The following DUSP15 variants were observed in gnomAD, a reference collection of about 807,000 sequenced individuals.
DUSP15 encodes the protein dual specificity phosphatase 15.
Under a neutral mutation model 26.3 loss-of-function variants are expected in DUSP15, and 23 were observed. That is an observed-to-expected ratio of 0.87 (90% CI 0.63 to 1.24). The LOEUF (loss-of-function observed/expected upper bound fraction) is 1.24, where lower values mean the gene tolerates loss of function less well. Ranked by LOEUF, DUSP15 falls within the 50% of genes most tolerant of loss-of-function variation. The pLI is 0.00. For synonymous variants in DUSP15, 143 were observed against 135.5 expected (o/e 1.06, Z -0.39); for missense variants, 364 against 320.6 (o/e 1.14, Z -1.03).
In DUSP15 at chr20:31,861,649, G is replaced by A. The variant is rs1263362874; in HGVS notation, c.462C>T (p.Phe154=). The A allele has an allele frequency of 8.6e-6, 11 of 1,275,108 alleles. No individual in the cohort carries two copies. The highest frequency in any genetic ancestry group is 1.6e-5 in the African/African-American group (1 of 61,086). The allele number at this position is 1,275,108 out of a possible 1,614,324, so 79.0% of individuals were successfully genotyped here. ...QKLRRQLEER[F]GESPFRDEEE... ...CCTCGTCGCGGAAGGGGCTCTCGCCGAAGCGCTCCTCCAGCTGCCGGCGAA... is the reference window on the plus strand; with the variant it reads ...CCTCGTCGCGGAAGGGGCTCTCGCCAAAGCGCTCCTCCAGCTGCCGGCGAA... The change falls in exon 7 of 7, where the codon TTC becomes TTT. Residue 154 remains phenylalanine (F), a synonymous_variant. Coordinates refer to ENST00000339738, the MANE Select transcript of DUSP15 (RefSeq NM_080611.5).
At position 31,861,613 on chromosome 20, in the gene DUSP15, G is replaced by A. The variant is rs754676386; in HGVS notation, c.498C>T (p.Arg166=). 1.3e-6 allele frequency: 2 copies of A among 1,491,112 alleles called. No individual in the cohort carries two copies. Among genetic ancestry groups the A allele is most frequent in the South Asian group, 2.5e-5 (2 of 79,714 alleles). 92.4% of individuals were successfully genotyped at this position (1,491,112 alleles called of 1,614,324 possible). A position where few individuals can be genotyped will look rare whatever the true frequency, so the allele number is the denominator to read the frequency against. Residue 166 remains arginine (R), a synonymous_variant, in exon 7 of 7, where the codon CGC becomes CGT. Coordinates refer to ENST00000339738, the MANE Select transcript of DUSP15 (RefSeq NM_080611.5). ...AGCGCTTGCACAGCGGCAGCAGCGCGCGCAACTCCTCCTCGTCGCGGAAGG... is the reference window on the plus strand; with the variant it reads ...AGCGCTTGCACAGCGGCAGCAGCGCACGCAACTCCTCCTCGTCGCGGAAGG... ...ESPFRDEEEL[R]ALLPLCKRCR...
exon 10 of DUSP15, chr20:31,848,512 G>T (rs1172530105): frequency 1.2e-6 from 2 of 1,608,556 alleles, no homozygotes; most frequent in Non-Finnish European, 8.5e-7. Flanking sequence ...CTGGGCGCTC[G>T]GTTGAGGCAC....
intron 2 of DUSP15, among the ~76,000 whole-genome samples, chr20:31,867,631 G>GTTTTTTTTTTTTTT (rs57662463): frequency 5.2e-5 from 4 of 77,646 alleles, no homozygotes; most frequent in African/African-American, 1.6e-4. Flanking sequence ...TGCCCACAAT[G>GTTTTTTTTTTTTTT]TTTTTTTTTT....
At chr20:31,870,635 G>T (rs769375185), upstream of DUSP15, 2 of 1,321,616 alleles carry the variant, frequency 1.5e-6, no homozygotes, top group South Asian at 2.2e-5. This position sits in a 1 kb window ranked among gnomAD's most constrained non-coding sequence, Gnocchi z 6.6. Flanking sequence ...CAAAGCCCCA[G>T]TGTGCCGGGC....
At chr20:31,860,547 A>G (rs2062627494), downstream of DUSP15, among the ~76,000 whole-genome samples, 2 of 152,094 alleles carry the variant, frequency 1.3e-5, no homozygotes, top group African/African-American at 2.4e-5. Context: ...CTAACTACCT[A>G]CCGTCATGGG....
intron 6 of DUSP15, among the ~76,000 whole-genome samples, chr20:31,852,280 A>T (rs1247021310): frequency 6.6e-6 from 1 of 152,150 alleles, no homozygotes; most frequent in South Asian, 2.1e-4. Flanking sequence ...AACTGCTGGG[A>T]TTACAGTTGT....
rs2062657718 is a variant in DUSP15 at position 31,861,643 on chromosome 20, C to A, written c.468G>T (p.Glu156Asp). 1 of 1,487,030 alleles carries A rather than the reference C, an allele frequency of 6.7e-7. No homozygotes were observed. The highest frequency in any genetic ancestry group is 8.9e-7 in the Non-Finnish European group (1 of 1,126,562). 92.1% of individuals were successfully genotyped at this position (1,487,030 alleles called of 1,614,324 possible). ...ACTCCTCCTCGTCGCGGAAGGGGCT[C>A]TCGCCGAAGCGCTCCTCCAGCTGCC... ...LRRQLEERFG[E>D]SPFRDEEELR... is the part of the protein sequence containing the mutation. Residue 156 changes from glutamate (E) to aspartate (D), a missense_variant, in exon 7 of 7, where the codon GAG (glutamate) becomes GAT (aspartate). Glu to Asp is a conservative substitution (Grantham distance 45). Coordinates refer to ENST00000339738, the MANE Select transcript of DUSP15 (RefSeq NM_080611.5).
rs1426990325 is a variant in DUSP15, at chr20:31,861,210, G to C, written c.*193C>G. The stretch of plus-strand genomic sequence containing the variant: ...AGGCACCAGGTGGCTGCAGCAGGCC[G>C]GCCCGGACACAGAGACGCACAGGTT... On this transcript the variant is annotated 3_prime_UTR_variant, in exon 7 of 7. Coordinates refer to ENST00000339738, the MANE Select transcript of DUSP15 (RefSeq NM_080611.5). The C allele has an allele frequency of 8.9e-6, 12 of 1,342,754 alleles. No homozygotes were observed. The African/African-American group carries it at 1.2e-4, about 14-fold the overall frequency. 83.2% of individuals were successfully genotyped at this position (1,342,754 alleles called of 1,614,324 possible). A position where few individuals can be genotyped will look rare whatever the true frequency, so the allele number is the denominator to read the frequency against.
chr20:31,850,484 C>G, intron 7 of DUSP15: 1 of 938,308 alleles, frequency 1.1e-6, no homozygotes, highest in South Asian at 1.5e-5. Flanking sequence ...GAAATGTTGA[C>G]TGTTGTGGCT....
downstream of DUSP15, among the ~76,000 whole-genome samples, chr20:31,858,799 G>A (rs1185897886): frequency 6.6e-6 from 1 of 152,198 alleles, no homozygotes; most frequent in African/African-American, 2.4e-5. The surrounding 1 kb of genome is among the most constrained non-coding windows in gnomAD (Gnocchi z 4.4). Flanking sequence ...TGCCAGAACT[G>A]AGAGGCAGCA....
intron 6 of DUSP15, among the ~76,000 whole-genome samples, chr20:31,862,036 C>G (rs990798748): frequency 1.3e-5 from 2 of 152,126 alleles, no homozygotes; most frequent in Non-Finnish European, 2.9e-5. Context: ...CCCATTCCCA[C>G]AGATTTCTTC....
chr20:31,850,145 C>T (rs2062444575), intron 7 of DUSP15, among the ~76,000 whole-genome samples: 1 of 152,220 alleles, frequency 6.6e-6, no homozygotes. Context: ...CCCAGCAAAT[C>T]TTCTGGGATT....
intron 6 of DUSP15, among the ~76,000 whole-genome samples, chr20:31,855,739 G>C (rs2062550614): frequency 1.3e-5 from 2 of 152,212 alleles, no homozygotes; most frequent in Non-Finnish European, 2.9e-5. Context: ...GCCAGGCACA[G>C]TGCTTGATGA....
Position 31,870,262 on chromosome 20 carries a change from G to A in DUSP15, c.21+55C>T, listed in dbSNP as rs1246932535. 15 of 1,225,892 alleles carry A rather than the reference G, an allele frequency of 1.2e-5. No individual in the cohort carries two copies. The South Asian group carries it at 3.3e-4, about 27-fold the overall frequency. The allele number at this position is 1,225,892 out of a possible 1,614,324, so 75.9% of individuals were successfully genotyped here. A position where few individuals can be genotyped will look rare whatever the true frequency, so the allele number is the denominator to read the frequency against. On this transcript the variant is annotated intron_variant, in intron 1 of 6. Transcript: ENST00000339738. This position sits in a 1 kb window ranked among gnomAD's most constrained non-coding sequence, Gnocchi z 6.6. ...CGGGCGGACCGAGCTGGTCAGCGCCGGGCCGCGGCGGCCGGGGCGGGGACC... is the reference window on the plus strand; with the variant it reads ...CGGGCGGACCGAGCTGGTCAGCGCCAGGCCGCGGCGGCCGGGGCGGGGACC...
intron 5 of DUSP15, 36 bp downstream of exon 5, chr20:31,863,871 T>C: frequency 1.2e-6 from 2 of 1,601,656 alleles, no homozygotes; most frequent in South Asian, 2.2e-5. Flanking sequence ...AGCCACTTCC[T>C]TCCTCCCCCA....
downstream of DUSP15, among the ~76,000 whole-genome samples, chr20:31,857,868 T>C (rs1386344175): frequency 1.3e-5 from 2 of 151,818 alleles, no homozygotes; most frequent in African/African-American, 4.8e-5. Context: ...GGTTGATGGG[T>C]TTAGGGGTGG....
At chr20:31,847,688 G>A (rs1244892655) in exon 10 of DUSP15, 1 of 152,184 alleles carries the variant, frequency 6.6e-6, no homozygotes, top group Non-Finnish European at 1.5e-5. Context: ...CAACTTTCTG[G>A]TTGTAGTCCC....
Position 31,863,933 on chromosome 20 carries a change from A to C in DUSP15, c.237T>G (p.Leu79=). The C allele has an allele frequency of 6.2e-7, 1 of 1,612,956 alleles. No homozygotes were observed. The part of the protein sequence containing the change: ...ECINFIHCCR[L]NGGNCLVHCF... ...AGTGCACAAGGCAGTTCCCCCCATT[A>C]AGGCGGCAGCAGTGGATGAAGTTGA... The change falls in exon 5 of 7, where the codon CTT becomes CTG. Residue 79 remains leucine (L), a synonymous_variant. Coordinates refer to ENST00000339738, the MANE Select transcript of DUSP15 (RefSeq NM_080611.5).
chr20:31,861,677 TG>T lies in DUSP15; in HGVS notation c.436-3del. 2 of 294,128 alleles carry T rather than the reference TG, an allele frequency of 6.8e-6. No individual in the cohort carries two copies. The highest frequency in any genetic ancestry group is 1.1e-5 in the Non-Finnish European group (2 of 178,622). The allele number at this position is 294,128 out of a possible 1,614,324, so 18.2% of individuals were successfully genotyped here. ...GCGCTCCTCCAGCTGCCGGCGAAGC[TG>T]GGGTGGGCGGGTGAGGTGGGCGGGG... On this transcript the variant is annotated splice_polypyrimidine_tract_variant and splice_region_variant and intron_variant, in intron 6 of 6. Coordinates refer to ENST00000339738, the MANE Select transcript of DUSP15 (RefSeq NM_080611.5).
Sources: gnomAD v4.1 joint callset for allele counts (sites outside exome capture counted in the v4.1 genomes callset) on GRCh38, gnomAD v4.1.1 for gene constraint, Gnocchi (gnomAD v3.1) non-coding constraint, MANE v1.5 for transcripts, NCBI Gene and HGNC (gene_info 2026-07-23, HGNC 2026-07-21) for gene names.